The following ZFYVE9 variants were observed in gnomAD, a reference collection of about 807,000 sequenced individuals.
ZFYVE9 encodes the protein zinc finger FYVE-type containing 9, also known as zinc finger FYVE domain-containing protein 9.
A neutral mutation model predicts 126.7 loss-of-function variants in ZFYVE9; 43 were observed. The ratio of observed to expected loss-of-function variants is 0.34; its 90% CI spans 0.27 to 0.44. The LOEUF (loss-of-function observed/expected upper bound fraction) is 0.44, where lower values mean the gene tolerates loss of function less well. ZFYVE9 is among the 20% of genes least tolerant of loss of function. The probability of loss-of-function intolerance (pLI) is 1.00; values close to 1 mark genes in which losing one functional copy is unlikely to be tolerated. For missense variants in ZFYVE9, 1,476 were observed against 1,697.0 expected, an observed-to-expected ratio of 0.87 and a Z score of 2.29; for synonymous variants, 521 against 597.4, an observed-to-expected ratio of 0.87 and a Z score of 1.87.
intron 1 of ZFYVE9, among the ~76,000 whole-genome samples, chr1:52,195,095 G>A (rs1453671898): frequency 2.0e-5 from 3 of 152,184 alleles, no homozygotes. Flanking sequence ...TACTGCATCT[G>A]TAGTGGGAGT....
chr1:52,186,292 A>G (rs1309810713), intron 1 of ZFYVE9, among the ~76,000 whole-genome samples: 1 of 152,090 alleles, frequency 6.6e-6, no homozygotes, highest in Admixed American at 6.6e-5. Context: ...AAAGCCTCTC[A>G]GTAAACTAGG....
At chr1:52,296,146 C>G (rs1370715898) in intron 12 of ZFYVE9, among the ~76,000 whole-genome samples, 169 bp downstream of exon 12, 1 of 151,428 alleles carries the variant, frequency 6.6e-6, no homozygotes, top group African/African-American at 2.4e-5. Flanking sequence ...TATATACACA[C>G]ACACACATAT....
chr1:52,221,614 A>G (rs1017609673), intron 2 of ZFYVE9, among the ~76,000 whole-genome samples: 1 of 152,162 alleles, frequency 6.6e-6, no homozygotes, highest in Admixed American at 6.5e-5. Context: ...AGTTGCTGCT[A>G]TGGATTGGAC....
chr1:52,322,636 A>G (rs1315075745), intron 13 of ZFYVE9, among the ~76,000 whole-genome samples: 1 of 151,866 alleles, frequency 6.6e-6, no homozygotes, highest in Non-Finnish European at 1.5e-5. Context: ...TTGGCCTCCC[A>G]AAGTATTGGG....
intron 10 of ZFYVE9, among the ~76,000 whole-genome samples, chr1:52,291,930 T>C (rs1645924567): frequency 6.6e-6 from 1 of 150,850 alleles, no homozygotes; most frequent in South Asian, 2.1e-4. Flanking sequence ...AATATGAATT[T>C]AGATAAGCCC....
intron 4 of ZFYVE9, among the ~76,000 whole-genome samples, chr1:52,255,962 T>TC (rs1645510001): frequency 3.3e-5 from 3 of 90,774 alleles, no homozygotes; most frequent in Admixed American, 3.2e-4. Context: ...TCTTTTCTTT[T>TC]CTTTTCTTTC....
intron 15 of ZFYVE9, chr1:52,335,262 T>C (rs1646378362): frequency 6.5e-6 from 1 of 153,832 alleles, no homozygotes; most frequent in Non-Finnish European, 1.4e-5. Flanking sequence ...GCTACTCTTA[T>C]TTCATAACAG....
At chr1:52,218,559 G>T (rs980111159) in intron 2 of ZFYVE9, among the ~76,000 whole-genome samples, 1 of 152,194 alleles carries the variant, frequency 6.6e-6, no homozygotes, top group Non-Finnish European at 1.5e-5. Flanking sequence ...TTGCCTGATG[G>T]ATTGGCCCAT....
chr1:52,185,035 C>T (rs1644752169), intron 1 of ZFYVE9, among the ~76,000 whole-genome samples: 1 of 152,172 alleles, frequency 6.6e-6, no homozygotes, highest in African/African-American at 2.4e-5. Flanking sequence ...TTTGCCAAGT[C>T]TGATGACGTA....
intron 18 of ZFYVE9, 124 bp from the exon 19 acceptor site, chr1:52,345,936 A>T: frequency 1.0e-6 from 1 of 952,596 alleles, no homozygotes; most frequent in Non-Finnish European, 1.5e-6. Flanking sequence ...ATTTGTATTC[A>T]CTGCCATATG....
chr1:52,285,679 A>G (rs1187353544), intron 10 of ZFYVE9, among the ~76,000 whole-genome samples: 1 of 152,138 alleles, frequency 6.6e-6, no homozygotes, highest in Non-Finnish European at 1.5e-5. Context: ...CTGATTCTAC[A>G]TTATGGTGAG....
At chr1:52,152,916 G>A (rs1644370663) in intron 1 of ZFYVE9, among the ~76,000 whole-genome samples, 1 of 152,204 alleles carries the variant, frequency 6.6e-6, no homozygotes, top group South Asian at 2.1e-4. Flanking sequence ...AAGGAAATGG[G>A]GAGAAAGCAG....
intron 1 of ZFYVE9, among the ~76,000 whole-genome samples, chr1:52,197,577 A>G (rs944614315): frequency 6.6e-6 from 1 of 150,834 alleles, no homozygotes; most frequent in Non-Finnish European, 1.5e-5. Flanking sequence ...GGAGTCAGGG[A>G]TGAAGATGAG....
intron 1 of ZFYVE9, among the ~76,000 whole-genome samples, chr1:52,145,160 A>G (rs906819793): frequency 3.3e-5 from 5 of 152,208 alleles, no homozygotes; most frequent in Admixed American, 3.3e-4. Flanking sequence ...TTTATGTATG[A>G]TTATTCCTTT....
At chr1:52,296,761 G>A (rs868461155) in intron 12 of ZFYVE9, among the ~76,000 whole-genome samples, 3 of 152,104 alleles carry the variant, frequency 2.0e-5, no homozygotes, top group Middle Eastern at 3.4e-3. Context: ...TTACCACTTT[G>A]ACAATGTTCC....
chr1:52,318,258 A>G (rs1569745390), intron 13 of ZFYVE9, among the ~76,000 whole-genome samples: 1 of 152,214 alleles, frequency 6.6e-6, no homozygotes, highest in East Asian at 1.9e-4. Context: ...AACTCATTCC[A>G]TAGTTTAGGA....
At chr1:52,254,495 G>C (rs890233254) in intron 4 of ZFYVE9, among the ~76,000 whole-genome samples, 1 of 152,022 alleles carries the variant, frequency 6.6e-6, no homozygotes, top group Non-Finnish European at 1.5e-5. Context: ...TTCAAGAGCA[G>C]TGTGGGCAAC....
chr1:52,270,014 CTCTT>C (rs1645673817), intron 7 of ZFYVE9, among the ~76,000 whole-genome samples: 1 of 151,980 alleles, frequency 6.6e-6, no homozygotes, highest in African/African-American at 2.4e-5. Context: ...TACCCATATA[CTCTT>C]CACCTATCTT....
chr1:52,306,727 C>T (rs918348391), intron 13 of ZFYVE9, among the ~76,000 whole-genome samples: 1 of 152,252 alleles, frequency 6.6e-6, no homozygotes, highest in African/African-American at 2.4e-5. Context: ...TCCAAGCTTC[C>T]GAATGTCACC....
Sources: gnomAD v4.1 joint callset for allele counts (sites outside exome capture counted in the v4.1 genomes callset) on GRCh38, gnomAD v4.1.1 for gene constraint, MANE v1.5 for transcripts, NCBI Gene and HGNC (gene_info 2026-07-23, HGNC 2026-07-21) for gene names.